The following GALNT13 variants were observed in gnomAD, a reference collection of about 807,000 sequenced individuals.
GALNT13 encodes UDP-GalNAc:polypeptide N-acetylgalactosaminyltransferase 13.
A neutral mutation model predicts 64.2 loss-of-function variants in GALNT13; 28 were observed. That is an observed-to-expected ratio of 0.44 (90% CI 0.32 to 0.60). The LOEUF is 0.60. Among genes scored for constraint, GALNT13 ranks in the 20% least tolerant of loss-of-function variants. GALNT13 has a pLI of 0.05. For missense variants in GALNT13, 577 were observed against 669.8 expected (o/e 0.86, Z 1.53); for synonymous variants, 214 against 224.6 (o/e 0.95, Z 0.42).
the GALNT13 span, among the ~76,000 whole-genome samples, chr2:153,757,867 A>G: frequency 1.3e-5 from 2 of 152,092 alleles, no homozygotes; most frequent in African/African-American, 4.8e-5. Context: ...TGCATTTCAT[A>G]TATATTTTGA....
intron 3 of GALNT13, among the ~76,000 whole-genome samples, chr2:154,129,302 T>C (rs1177680700): frequency 2.6e-5 from 4 of 152,218 alleles, no homozygotes; most frequent in Non-Finnish European, 5.9e-5. Context: ...AAGCAAAGTA[T>C]GCTGGTCATT....
At chr2:153,491,920 A>C in the GALNT13 span, among the ~76,000 whole-genome samples, 2 of 152,080 alleles carry the variant, frequency 1.3e-5, no homozygotes, top group Non-Finnish European at 2.9e-5. Flanking sequence ...GCCCGGCCGT[A>C]TTATCTTTAT....
chr2:153,769,388 A>G, the GALNT13 span, among the ~76,000 whole-genome samples: 1 of 137,110 alleles, frequency 7.3e-6, no homozygotes, highest in Non-Finnish European at 1.6e-5. Context: ...CCCCTCCCCC[A>G]CCCCAATGCT....
At chr2:153,456,663 T>G in the GALNT13 span, among the ~76,000 whole-genome samples, 1 of 152,216 alleles carries the variant, frequency 6.6e-6, no homozygotes. Context: ...ATGTATGTTT[T>G]TAATCCTCAT....
the GALNT13 span, among the ~76,000 whole-genome samples, chr2:153,765,172 C>T: frequency 6.6e-6 from 1 of 152,228 alleles, no homozygotes; most frequent in Non-Finnish European, 1.5e-5. Context: ...AAGAGGGCCA[C>T]TGTCCTCCAG....
At chr2:154,117,643 T>C (rs866873806) in intron 3 of GALNT13, among the ~76,000 whole-genome samples, 3 of 152,284 alleles carry the variant, frequency 2.0e-5, no homozygotes, top group South Asian at 4.2e-4. Context: ...AATAGACACA[T>C]TGACCAATGG....
the GALNT13 span, among the ~76,000 whole-genome samples, chr2:153,184,945 A>T: frequency 6.6e-6 from 1 of 152,162 alleles, no homozygotes; most frequent in African/African-American, 2.4e-5. Context: ...CGTATCTGCC[A>T]GGTTTTGGTA....
chr2:153,262,961 C>T, the GALNT13 span, among the ~76,000 whole-genome samples: 54 of 152,070 alleles, frequency 3.6e-4, no homozygotes, highest in African/African-American at 1.3e-3. Flanking sequence ...GGCAATCAGA[C>T]AAGAGAAAGA....
the GALNT13 span, among the ~76,000 whole-genome samples, chr2:153,575,897 C>A: frequency 6.6e-6 from 1 of 152,162 alleles, no homozygotes; most frequent in Non-Finnish European, 1.5e-5. Flanking sequence ...TTACTTAAGG[C>A]CCTTGATGTA....
chr2:153,428,253 C>T, the GALNT13 span, among the ~76,000 whole-genome samples: 1 of 152,120 alleles, frequency 6.6e-6, no homozygotes. Flanking sequence ...TAGCATGGCA[C>T]CAGCATCTGC....
Position 154,452,582 on chromosome 2 carries a change from AC to A in GALNT13, c.*2035del, listed in dbSNP as rs1452972339. On this transcript the variant is annotated 3_prime_UTR_variant, in exon 13 of 13. Coordinates refer to ENST00000392825, the MANE Select transcript of GALNT13 (RefSeq NM_052917.4). ...ATGGCAAATTTTTATAAATACAGCT[AC>A]CCCATCAAAGCTGAACTTGAAACGT... 3 of 152,136 alleles carry A rather than the reference AC, an allele frequency of 2.0e-5. No homozygotes were observed. The South Asian group carries it at 6.2e-4, about 32-fold the overall frequency. 9.4% of individuals were successfully genotyped at this position (152,136 alleles called of 1,614,324 possible). A position where few individuals can be genotyped will look rare whatever the true frequency, so the allele number is the denominator to read the frequency against.
the GALNT13 span, among the ~76,000 whole-genome samples, chr2:153,493,586 T>A: frequency 6.6e-6 from 1 of 151,964 alleles, no homozygotes; most frequent in Non-Finnish European, 1.5e-5. Flanking sequence ...ACACAGCATT[T>A]TTCAGAAAAA....
the GALNT13 span, among the ~76,000 whole-genome samples, chr2:153,518,176 C>A: frequency 1.3e-5 from 2 of 152,110 alleles, no homozygotes; most frequent in African/African-American, 2.4e-5. Context: ...TTTCAGTGTT[C>A]TTCCAATGAC....
At chr2:154,046,324 A>G (rs1699284842) in intron 3 of GALNT13, among the ~76,000 whole-genome samples, 1 of 152,082 alleles carries the variant, frequency 6.6e-6, no homozygotes, top group Admixed American at 6.6e-5. Context: ...ACTTTAAAAA[A>G]TTAAAATTGA....
chr2:153,347,087 G>A, the GALNT13 span, among the ~76,000 whole-genome samples: 1 of 152,168 alleles, frequency 6.6e-6, no homozygotes. Context: ...GTCCTGGCTT[G>A]GGCATAAGGA....
chr2:153,186,764 G>A, the GALNT13 span, among the ~76,000 whole-genome samples: 2 of 152,058 alleles, frequency 1.3e-5, no homozygotes, highest in African/African-American at 4.8e-5. Context: ...ACAAGGTTTT[G>A]CCATGTTGGC....
the GALNT13 span, among the ~76,000 whole-genome samples, chr2:153,342,097 G>T: frequency 6.6e-6 from 1 of 152,142 alleles, no homozygotes; most frequent in Admixed American, 6.5e-5. Flanking sequence ...TTAGACTTTT[G>T]TTTTTATCAA....
At chr2:153,420,438 AG>A in the GALNT13 span, among the ~76,000 whole-genome samples, 1 of 152,218 alleles carries the variant, frequency 6.6e-6, no homozygotes, top group South Asian at 2.1e-4. Flanking sequence ...AAAATTTAAA[AG>A]GAAAAAATAT....
chr2:154,348,010 A>G (rs1274433233), intron 9 of GALNT13, among the ~76,000 whole-genome samples: 1 of 152,200 alleles, frequency 6.6e-6, no homozygotes, highest in Non-Finnish European at 1.5e-5. Context: ...TGTAATAACC[A>G]CTAATTATCA....
Sources: allele counts gnomAD v4.1 joint callset (sites outside exome capture counted in the v4.1 genomes callset), GRCh38; gene constraint gnomAD v4.1.1; transcripts MANE v1.5; gene names NCBI Gene and HGNC (gene_info 2026-07-23, HGNC 2026-07-21).